The following KIFC3 variants were observed in gnomAD, a reference collection of about 807,000 sequenced individuals.
KIFC3 encodes the protein kinesin family member C3.
Under a neutral mutation model 101.8 loss-of-function variants are expected in KIFC3, and 60 were observed. The observed-to-expected ratio is 0.59, with a 90% confidence interval of 0.48 to 0.73. KIFC3 has a LOEUF of 0.73. Ranked by LOEUF, KIFC3 falls within the 30% of genes least tolerant of loss-of-function variation. The pLI, the probability that KIFC3 is intolerant of heterozygous loss-of-function variation, is 0.00. For missense variants in KIFC3, 966 were observed against 1,137.1 expected (o/e 0.85, Z 2.16); for synonymous variants, 476 against 482.7 (o/e 0.99, Z 0.18).
chr16:57,782,564 A>G (rs1555615406), intron 3 of KIFC3, among the ~76,000 whole-genome samples: 1 of 152,216 alleles, frequency 6.6e-6, no homozygotes, highest in Non-Finnish European at 1.5e-5. Context: ...ACATCTCCAC[A>G]AGGTCGGGCC....
At chr16:57,774,987 A>G in intron 3 of KIFC3, 1 of 1,533,946 alleles carries the variant, frequency 6.5e-7, no homozygotes, top group Non-Finnish European at 8.7e-7. Context: ...AACCTTGATC[A>G]TCTCCACTGC....
upstream of KIFC3, among the ~76,000 whole-genome samples, chr16:57,805,112 T>C (rs1555626673): frequency 6.6e-6 from 1 of 152,094 alleles, no homozygotes; most frequent in Admixed American, 6.6e-5. Context: ...ATTGCAGGCA[T>C]GAGCCACCGT....
chr16:57,822,031 G>A (rs1027779921), intron 1 of KIFC3, among the ~76,000 whole-genome samples: 2 of 152,034 alleles, frequency 1.3e-5, no homozygotes, highest in Non-Finnish European at 1.5e-5. Context: ...AGCTGTGATG[G>A]AGCCACTGCA....
chr16:57,851,993 G>C (rs958979551), intron 1 of KIFC3, among the ~76,000 whole-genome samples: 11 of 151,740 alleles, frequency 7.2e-5, no homozygotes, highest in Admixed American at 3.3e-4. Context: ...CTCTCTCCTC[G>C]GCCTCCCAAA....
intron 1 of KIFC3, among the ~76,000 whole-genome samples, chr16:57,801,489 C>T (rs1332250124): frequency 6.6e-6 from 1 of 152,212 alleles, no homozygotes; most frequent in Non-Finnish European, 1.5e-5. Context: ...TCTGAGACTG[C>T]ATTCCTAGCA....
chr16:57,760,094 G>C, intron 17 of KIFC3, 188 bp downstream of exon 17: 2 of 735,442 alleles, frequency 2.7e-6, no homozygotes, highest in South Asian at 1.8e-5. Context: ...AGGAACCTCC[G>C]AGGCCAAGAA....
rs782138811 is a variant in KIFC3, at chr16:57,758,826, G to A, written c.*108C>T. The stretch of plus-strand genomic sequence containing the variant: ...CGCCTCTACCTCCGGGGGTCCTGGC[G>A]CTGCAGCAGGGACAGGCCAGTGAGG... On this transcript the variant is annotated 3_prime_UTR_variant, in exon 20 of 20. Transcript: ENST00000445690. 2.2e-5 allele frequency: 35 copies of A among 1,594,402 alleles called. No individual in the cohort carries two copies. Among genetic ancestry groups the A allele is most frequent in the Middle Eastern group, 3.3e-4 (2 of 6,042 alleles).
At chr16:57,783,742 G>A (rs112819552) in intron 3 of KIFC3, among the ~76,000 whole-genome samples, 2,807 of 152,100 alleles carry the variant, frequency 0.018, 35 homozygotes, top group Non-Finnish European at 0.029. Context: ...CAAAATGCTG[G>A]GATTACAGGT....
At chr16:57,849,841 T>G (rs892523129) in intron 1 of KIFC3, among the ~76,000 whole-genome samples, 5 of 152,146 alleles carry the variant, frequency 3.3e-5, no homozygotes, top group Admixed American at 2.0e-4. Flanking sequence ...ATGTGGAGGT[T>G]GCAGTGAGCC....
chr16:57,762,817 TCTCA>T (rs562246123), intron 12 of KIFC3, among the ~76,000 whole-genome samples: 208 of 152,236 alleles, frequency 1.4e-3, no homozygotes, highest in African/African-American at 4.7e-3. Context: ...TGATAGCACC[TCTCA>T]CTCACTCTCT....
intron 1 of KIFC3, among the ~76,000 whole-genome samples, chr16:57,842,370 C>A (rs1256553371): frequency 1.3e-5 from 2 of 152,138 alleles, no homozygotes; most frequent in African/African-American, 4.8e-5. Context: ...ACATTCACTG[C>A]ATATTTATGG....
chr16:57,764,500 C>G (rs1555600923), intron 11 of KIFC3: 1 of 507,156 alleles, frequency 2.0e-6, no homozygotes, highest in Non-Finnish European at 3.6e-6. Context: ...TCCTCCTGCT[C>G]TCTCTCAAAG....
chr16:57,810,556 C>T, intron 1 of KIFC3: 1 of 576,182 alleles, frequency 1.7e-6, no homozygotes, highest in Non-Finnish European at 2.2e-6. Context: ...CAGCAAGGAT[C>T]CTGCGGTTCC....
intron 1 of KIFC3, among the ~76,000 whole-genome samples, chr16:57,830,236 CTTTTTTTTT>C: frequency 8.4e-6 from 1 of 119,312 alleles, no homozygotes; most frequent in East Asian, 2.3e-4. Flanking sequence ...TTTTTTCTTT[CTTTTTTTTT>C]TTTTTTTTTT....
chr16:57,760,686 A>G, intron 16 of KIFC3, 40 bp downstream of exon 16: 1 of 1,553,082 alleles, frequency 6.4e-7, no homozygotes, highest in Non-Finnish European at 8.9e-7. Context: ...CGTAGCCCCT[A>G]CATGCTAGGG....
At chr16:57,799,073 G>C (rs1555624622) in intron 1 of KIFC3, among the ~76,000 whole-genome samples, 1 of 152,148 alleles carries the variant, frequency 6.6e-6, no homozygotes, top group African/African-American at 2.4e-5. Flanking sequence ...CGGCAGGTGC[G>C]AGCCAGGCAC....
chr16:57,857,822 C>CTTTTTTTTTTTTTTTTT (rs57102595), intron 1 of KIFC3, among the ~76,000 whole-genome samples: 1 of 92,784 alleles, frequency 1.1e-5, no homozygotes, highest in Non-Finnish European at 1.9e-5. Flanking sequence ...TTCTTTCTTT[C>CTTTTTTTTTTTTTTTTT]TTTTTTTTTT....
chr16:57,768,352 C>CA (rs1329936741), intron 9 of KIFC3, among the ~76,000 whole-genome samples: 2 of 151,586 alleles, frequency 1.3e-5, no homozygotes, highest in African/African-American at 2.4e-5. Flanking sequence ...GTCTCAAAAA[C>CA]AAAAAAATGC....
intron 1 of KIFC3, among the ~76,000 whole-genome samples, chr16:57,830,236 C>CTTTTT (rs34842791): frequency 1.0e-3 from 123 of 119,284 alleles, no homozygotes; most frequent in Non-Finnish European, 1.6e-3. Context: ...TTTTTTCTTT[C>CTTTTT]TTTTTTTTTT....
Sources: gnomAD v4.1 joint callset for allele counts (sites outside exome capture counted in the v4.1 genomes callset) on GRCh38, gnomAD v4.1.1 for gene constraint, MANE v1.5 for transcripts, NCBI Gene and HGNC (gene_info 2026-07-23, HGNC 2026-07-21) for gene names.